Variants in CHTF8 observed in about 807,000 individuals in gnomAD.
CHTF8 encodes the protein chromosome transmission fidelity protein 8 homolog.
A neutral mutation model predicts 11.0 loss-of-function variants in CHTF8; 6 were observed. The observed-to-expected ratio is 0.55, with a 90% CI of 0.30 to 1.08. The LOEUF (loss-of-function observed/expected upper bound fraction) is 1.08. Ranked by LOEUF, CHTF8 falls within the 50% of genes least tolerant of loss-of-function variation. The pLI is 0.07. For synonymous variants in CHTF8, 53 were observed against 60.5 expected, an observed-to-expected ratio of 0.88 and a Z score of 0.57; for missense variants, 140 against 153.1, an observed-to-expected ratio of 0.91 and a Z score of 0.45.
At chr16:69,122,373 T>C (rs1036256733) in intron 1 of CHTF8, among the ~76,000 whole-genome samples, 1 of 151,868 alleles carries the variant, frequency 6.6e-6, no homozygotes, top group African/African-American at 2.4e-5. Flanking sequence ...TTCTTTTTTT[T>C]TTTTTTTTCT....
rs1321881123 is a variant in CHTF8, at chr16:69,120,218, G to A, written c.*207C>T. 2.8e-6 allele frequency: 2 copies of A among 704,454 alleles called. No individual in the cohort carries two copies. The highest frequency in any genetic ancestry group is 5.2e-6 in the Non-Finnish European group (2 of 386,586). The allele number at this position is 704,454 out of a possible 1,614,324, so 43.6% of individuals were successfully genotyped here. A position where few individuals can be genotyped will look rare whatever the true frequency, so the allele number is the denominator to read the frequency against. ...AATGAGCCTGATGAAGCTGGAAAAG[G>A]AGATGGGTTCCTTGGAAATGGGGTC... On this transcript the variant is annotated 3_prime_UTR_variant, in exon 4 of 4. Coordinates refer to ENST00000448552, the MANE Select transcript of CHTF8 (RefSeq NM_001039690.5). This position sits in a 1 kb window ranked among gnomAD's most constrained non-coding sequence, Gnocchi z 4.0.
At position 69,119,138 on chromosome 16, in the gene CHTF8, T is replaced by C; in HGVS notation, c.*1287A>G. ...ACTTGACCAGGGCCTAATGGGCCAG[T>C]AGACCTTGGGAAGGTAGTTGGACTT... On this transcript the variant is annotated 3_prime_UTR_variant, in exon 4 of 4. Coordinates refer to ENST00000448552, the MANE Select transcript of CHTF8 (RefSeq NM_001039690.5). 2 of 703,038 alleles carry C rather than the reference T, an allele frequency of 2.8e-6. No individual in the cohort carries two copies. Among genetic ancestry groups the C allele is most frequent in the East Asian group, 2.7e-5 (1 of 37,282 alleles). 43.5% of individuals were successfully genotyped at this position (703,038 alleles called of 1,614,324 possible). A position where few individuals can be genotyped will look rare whatever the true frequency, so the allele number is the denominator to read the frequency against.
chr16:69,125,862 C>T (rs982893128), intron 1 of CHTF8, among the ~76,000 whole-genome samples: 1 of 152,172 alleles, frequency 6.6e-6, no homozygotes, highest in Non-Finnish European at 1.5e-5. Flanking sequence ...GACTATGACA[C>T]CTAGATTATG....
intron 1 of CHTF8, among the ~76,000 whole-genome samples, chr16:69,127,770 C>A (rs539624639): frequency 6.6e-6 from 1 of 151,376 alleles, no homozygotes; most frequent in African/African-American, 2.4e-5. Context: ...CCACCACACC[C>A]GGCAACTTTT....
rs1597105087 is a variant in CHTF8 at position 69,118,848 on chromosome 16, T to C, written c.*1577A>G. The C allele has an allele frequency of 2.9e-6, 2 of 698,778 alleles. No homozygotes were observed. Among genetic ancestry groups the C allele is most frequent in the Non-Finnish European group, 5.2e-6 (2 of 382,316 alleles). 43.3% of individuals were successfully genotyped at this position (698,778 alleles called of 1,614,324 possible). On this transcript the variant is annotated 3_prime_UTR_variant, in exon 4 of 4. Transcript: ENST00000448552. ...AACCAAGGTGGTCCTGGAGGGAAAA[T>C]GGTGTTTAAGGGGGCAACATTCCAT...
chr16:69,130,043 T>C (rs180899095), intron 1 of CHTF8, among the ~76,000 whole-genome samples: 1 of 152,368 alleles, frequency 6.6e-6, no homozygotes, highest in Admixed American at 6.5e-5. Flanking sequence ...AGTATTCATT[T>C]TAATCTTCCA....
chr16:69,130,951 CTA>C (rs1962457785), intron 1 of CHTF8, among the ~76,000 whole-genome samples: 1 of 152,140 alleles, frequency 6.6e-6, no homozygotes, highest in Non-Finnish European at 1.5e-5. Context: ...GACTATGTCT[CTA>C]TGTGCCTTTC....
In CHTF8 at chr16:69,118,068, C is replaced by T; in HGVS notation, c.*2357G>A. On this transcript the variant is annotated 3_prime_UTR_variant, in exon 4 of 4. Transcript: ENST00000448552. ...GAAAAGATACAATGCAGGAAAACCACCAACCATCCTTGCACACCAGGCCGA... is the reference window on the plus strand; with the variant it reads ...GAAAAGATACAATGCAGGAAAACCATCAACCATCCTTGCACACCAGGCCGA... 2.1e-6 allele frequency: 1 copy of T among 487,562 alleles called. No homozygotes were observed. Among genetic ancestry groups the T allele is most frequent in the Non-Finnish European group, 3.7e-6 (1 of 270,282 alleles). The allele number at this position is 487,562 out of a possible 1,614,324, so 30.2% of individuals were successfully genotyped here. A position where few individuals can be genotyped will look rare whatever the true frequency, so the allele number is the denominator to read the frequency against.
At chr16:69,129,656 T>G (rs1215797509) in intron 1 of CHTF8, among the ~76,000 whole-genome samples, 3 of 152,112 alleles carry the variant, frequency 2.0e-5, no homozygotes, top group Non-Finnish European at 2.9e-5. Flanking sequence ...GCTACTTAAG[T>G]GGAGAGCTGG....
At position 69,121,307 on chromosome 16, in the gene CHTF8, G is replaced by A. The variant is rs985752428; in HGVS notation, c.23+129C>T. ...GGGAAATTGGGCAGTGCTAGGCATG[G>A]AACTAGAGATCAGAATGCAAGGATT... On this transcript the variant is annotated intron_variant, in intron 2 of 3. Transcript: ENST00000448552. The A allele has an allele frequency of 3.3e-6, 4 of 1,207,928 alleles. No homozygotes were observed. The African/African-American group carries it at 4.6e-5, about 14-fold the overall frequency. 74.8% of individuals were successfully genotyped at this position (1,207,928 alleles called of 1,614,324 possible). A position where few individuals can be genotyped will look rare whatever the true frequency, so the allele number is the denominator to read the frequency against.
At chr16:69,124,362 A>C (rs572835468) in intron 1 of CHTF8, among the ~76,000 whole-genome samples, 3 of 152,304 alleles carry the variant, frequency 2.0e-5, no homozygotes, top group South Asian at 4.1e-4. Context: ...TAGTATGGAA[A>C]GTTAATAGGT....
intron 1 of CHTF8, among the ~76,000 whole-genome samples, chr16:69,131,120 GT>G (rs1474437282): frequency 2.6e-5 from 4 of 152,178 alleles, no homozygotes; most frequent in African/African-American, 9.7e-5. Context: ...CTAAAATCCT[GT>G]TTCCAAATGA....
At position 69,129,075 on chromosome 16, in the gene CHTF8, A is replaced by G. The variant is rs1341086187; in HGVS notation, c.-36+3409T>C. Reference sequence around the variant, plus strand: ...CAAGATTCCATCTCAAAAAACAGACAAACTGAAACAAAACAAAAAAAAAAC... The same window carrying G: ...CAAGATTCCATCTCAAAAAACAGACGAACTGAAACAAAACAAAAAAAAAAC... On this transcript the variant is annotated intron_variant, in intron 1 of 3. Coordinates refer to ENST00000448552, the MANE Select transcript of CHTF8 (RefSeq NM_001039690.5). 2.0e-5 allele frequency among the ~76,000 whole-genome samples: 3 copies of G among 151,398 alleles called. No homozygotes were observed. In the East Asian group the frequency reaches 5.8e-4, roughly 29 times the overall value.
chr16:69,130,047 T>C (rs1962382069), intron 1 of CHTF8, among the ~76,000 whole-genome samples: 1 of 152,268 alleles, frequency 6.6e-6, no homozygotes, highest in South Asian at 2.1e-4. Flanking sequence ...TTCATTTTAA[T>C]CTTCCACAGA....
intron 1 of CHTF8, among the ~76,000 whole-genome samples, chr16:69,128,490 A>C (rs1162622946): frequency 6.6e-6 from 1 of 152,190 alleles, no homozygotes; most frequent in African/African-American, 2.4e-5. Flanking sequence ...TCTCATGAGG[A>C]GGGAAAAAAG....
At chr16:69,121,603 G>T in intron 1 of CHTF8, 110 bp from the exon 2 acceptor site, 1 of 620,464 alleles carries the variant, frequency 1.6e-6, no homozygotes, top group Non-Finnish European at 2.8e-6. Context: ...TCAGCCTCCC[G>T]AGTAGCTGGG....
At chr16:69,123,561 G>T (rs1438553870) in intron 1 of CHTF8, among the ~76,000 whole-genome samples, 1 of 152,066 alleles carries the variant, frequency 6.6e-6, no homozygotes, top group Non-Finnish European at 1.5e-5. Flanking sequence ...GCAGGCTGAG[G>T]TAAGAGAATC....
In CHTF8 at chr16:69,120,436, T is replaced by C; in HGVS notation, c.355A>G (p.Lys119Glu). The change falls in exon 4 of 4, where the codon AAG (lysine) becomes GAG (glutamate). Residue 119 changes from lysine (K) to glutamate (E), a missense_variant. Physicochemically the swap from Lys to Glu is moderately conservative, Grantham distance 56. Coordinates refer to ENST00000448552, the MANE Select transcript of CHTF8 (RefSeq NM_001039690.5). The surrounding 1 kb of genome is among the most constrained non-coding windows in gnomAD (Gnocchi z 4.0). ...RPKPIITSVP[K>E]KV is the part of the protein sequence containing the mutation. ...AATCCGAGGTTCTTTCATACTTTCTTGGGGACGCTGGTGATAATGGGCTTG... is the reference window on the plus strand; with the variant it reads ...AATCCGAGGTTCTTTCATACTTTCTCGGGGACGCTGGTGATAATGGGCTTG... 6.2e-7 allele frequency: 1 copy of C among 1,614,118 alleles called. No individual in the cohort carries two copies. The highest frequency in any genetic ancestry group is 1.3e-5 in the African/African-American group (1 of 75,046).
At chr16:69,125,226 C>CA (rs1961974078) in intron 1 of CHTF8, among the ~76,000 whole-genome samples, 1 of 152,102 alleles carries the variant, frequency 6.6e-6, no homozygotes, top group Non-Finnish European at 1.5e-5. Context: ...TTTTTAAATT[C>CA]AAATATAAGT....
Sources: gnomAD v4.1 joint callset for allele counts (sites outside exome capture counted in the v4.1 genomes callset) on GRCh38, gnomAD v4.1.1 for gene constraint, Gnocchi (gnomAD v3.1) non-coding constraint, MANE v1.5 for transcripts, NCBI Gene and HGNC (gene_info 2026-07-23, HGNC 2026-07-21) for gene names.